JARID2: variants seen among roughly 807,000 people sequenced by gnomAD.
The protein encoded by JARID2 is jumonji and AT-rich interaction domain containing 2.
In JARID2, 21 loss-of-function variants were observed where a neutral mutation model predicts 125.6. The observed-to-expected ratio is 0.17, with a 90% CI of 0.12 to 0.24. The LOEUF is 0.24. Among genes scored for constraint, JARID2 ranks in the 10% least tolerant of loss-of-function variants. The pLI is 1.00. For synonymous variants in JARID2, 736 were observed against 661.6 expected, an observed-to-expected ratio of 1.11 and a Z score of -1.73; for missense variants, 1,303 against 1,639.6, an observed-to-expected ratio of 0.79 and a Z score of 3.55.
intron 1 of JARID2, among the ~76,000 whole-genome samples, chr6:15,256,555 C>T (rs1759673065): frequency 6.6e-6 from 1 of 152,162 alleles, no homozygotes; most frequent in African/African-American, 2.4e-5. Context: ...TGTTCCCAGC[C>T]CTTCTTGATG....
intron 1 of JARID2, among the ~76,000 whole-genome samples, chr6:15,283,867 G>A (rs372377732): frequency 2.0e-5 from 3 of 151,538 alleles, no homozygotes; most frequent in Non-Finnish European, 4.4e-5. Context: ...CACCATGCCC[G>A]GCTAATTTTT....
chr6:15,381,343 A>AAAAT, intron 2 of JARID2, among the ~76,000 whole-genome samples: 1 of 27,030 alleles, frequency 3.7e-5, no homozygotes, highest in Admixed American at 4.9e-4. Context: ...TCCTGTCTCA[A>AAAAT]AAAAAAAAAA....
chr6:15,376,952 T>A (rs950821199), intron 2 of JARID2, among the ~76,000 whole-genome samples: 1 of 152,136 alleles, frequency 6.6e-6, no homozygotes, highest in East Asian at 1.9e-4. Flanking sequence ...CAAGCTGTGT[T>A]GTGCATATAT....
chr6:15,415,679 TG>T, intron 3 of JARID2, among the ~76,000 whole-genome samples: 1 of 134,370 alleles, frequency 7.4e-6, no homozygotes, highest in East Asian at 2.5e-4. Context: ...ACGGGGTGGC[TG>T]GCCGGGCGGG....
chr6:15,512,421 G>GC, intron 14 of JARID2, 31 bp downstream of exon 14: 2 of 1,606,562 alleles, frequency 1.2e-6, no homozygotes, highest in African/African-American at 2.7e-5. Flanking sequence ...CCCGCTTGCT[G>GC]CCCCCGCATC....
At chr6:15,254,793 A>G (rs1401189994) in intron 1 of JARID2, among the ~76,000 whole-genome samples, 1 of 152,070 alleles carries the variant, frequency 6.6e-6, no homozygotes, top group South Asian at 2.1e-4. Context: ...TAATCCCAGC[A>G]CTTTCGAAGG....
intron 1 of JARID2, among the ~76,000 whole-genome samples, chr6:15,285,425 G>A (rs574016293): frequency 1.3e-5 from 2 of 152,168 alleles, no homozygotes; most frequent in Admixed American, 6.5e-5. Flanking sequence ...GCGCCCAGCC[G>A]TCAGTGTACT....
chr6:15,317,306 A>G (rs1452828245), intron 1 of JARID2, among the ~76,000 whole-genome samples: 1 of 152,232 alleles, frequency 6.6e-6, no homozygotes, highest in Admixed American at 6.5e-5. Flanking sequence ...TTGCAGGAAA[A>G]TGCAAGTCTC....
At chr6:15,478,944 T>G (rs747114083) in intron 5 of JARID2, among the ~76,000 whole-genome samples, 1 of 152,164 alleles carries the variant, frequency 6.6e-6, no homozygotes, top group Non-Finnish European at 1.5e-5. Flanking sequence ...AGATTACAGG[T>G]GTGAGCCACC....
chr6:15,495,884 A>C (rs1022181107), intron 6 of JARID2, among the ~76,000 whole-genome samples: 15 of 152,234 alleles, frequency 9.9e-5, no homozygotes, highest in African/African-American at 3.6e-4. Flanking sequence ...CGCCTGGGGC[A>C]GTTTGCATAC....
chr6:15,441,962 T>C (rs1767464370), intron 3 of JARID2, among the ~76,000 whole-genome samples: 1 of 152,034 alleles, frequency 6.6e-6, no homozygotes, highest in Non-Finnish European at 1.5e-5. Context: ...CAGCTAATTT[T>C]TATATTTTTA....
Position 15,496,906 on chromosome 6 carries a change from A to G in JARID2, c.1681A>G (p.Arg561Gly), listed in dbSNP as rs752471157. 70 of 1,601,430 alleles carry G rather than the reference A, an allele frequency of 4.4e-5. No homozygotes were observed. The highest frequency in any genetic ancestry group is 5.5e-5 in the Non-Finnish European group (65 of 1,171,698). ...GGCCATGGACGAGATCCCCGTCCTC[A>G]GGCCCTCCGCCAAGGAGTTCCACGA... ...WAAMDEIPVL[R>G]PSAKEFHDPL... Residue 561 changes from arginine (R) to glycine (G), a missense_variant, in exon 7 of 18, where the codon AGG becomes GGG. Physicochemically the swap from Arg to Gly is moderately radical, Grantham distance 125. Coordinates refer to ENST00000341776, the MANE Select transcript of JARID2 (RefSeq NM_004973.4).
intron 1 of JARID2, among the ~76,000 whole-genome samples, chr6:15,353,652 T>C (rs1181665886): frequency 6.6e-6 from 1 of 152,216 alleles, no homozygotes; most frequent in African/African-American, 2.4e-5. Context: ...GGGAATTCCA[T>C]GTTTCTCTTT....
chr6:15,272,698 A>G (rs1044041217), intron 1 of JARID2, among the ~76,000 whole-genome samples: 2 of 152,156 alleles, frequency 1.3e-5, no homozygotes, highest in Non-Finnish European at 2.9e-5. Flanking sequence ...GGAAGGTGGT[A>G]TTACCTCAGG....
At chr6:15,283,637 C>G (rs1032903508) in intron 1 of JARID2, among the ~76,000 whole-genome samples, 1 of 151,936 alleles carries the variant, frequency 6.6e-6, no homozygotes, top group African/African-American at 2.4e-5. Flanking sequence ...CCACCGTGCC[C>G]GGCCATTCTG....
At position 15,251,384 on chromosome 6, in the gene JARID2, T is replaced by G. The variant is rs147311497; in HGVS notation, c.45+4800T>G. 3.0e-3 allele frequency among the ~76,000 whole-genome samples: 456 copies of G among 152,200 alleles called. 3 individuals are homozygous for G. Among genetic ancestry groups the G allele is most frequent in the African/African-American group, 0.01 (424 of 41,560 alleles). On this transcript the variant is annotated intron_variant, in intron 1 of 17. Transcript: ENST00000341776. ...GTGTGAGGACTCACACTCCTGACAT[T>G]GTCTGAATTCTGGCTGCATTGCTCT... is the stretch of plus-strand genomic sequence containing the variant.
chr6:15,373,336 G>T (rs1406144567), intron 1 of JARID2, among the ~76,000 whole-genome samples: 3 of 152,026 alleles, frequency 2.0e-5, no homozygotes, highest in Admixed American at 6.6e-5. Context: ...TTTATGACTG[G>T]AATTGCTGGA....
chr6:15,381,346 A>C (rs1173720923), intron 2 of JARID2, among the ~76,000 whole-genome samples: 8 of 150,696 alleles, frequency 5.3e-5, no homozygotes, highest in Non-Finnish European at 7.4e-5. Flanking sequence ...TGTCTCAAAA[A>C]AAAAAAAAAA....
At position 15,312,288 on chromosome 6, in the gene JARID2, C is replaced by T. The variant is rs1359641386; in HGVS notation, c.46-61829C>T. 8.5e-5 allele frequency among the ~76,000 whole-genome samples: 13 copies of T among 152,240 alleles called. No homozygotes were observed. In the South Asian group the frequency reaches 1.5e-3, roughly 17 times the overall value. ...CAGGCTGGGCTCGAACTCCTGACCT[C>T]GTGATCCACCCGCCTCGGCCTCCCA... On this transcript the variant is annotated intron_variant, in intron 1 of 17. Coordinates refer to ENST00000341776, the MANE Select transcript of JARID2 (RefSeq NM_004973.4).
Sources: gnomAD v4.1 joint callset for allele counts (sites outside exome capture counted in the v4.1 genomes callset) on GRCh38, gnomAD v4.1.1 for gene constraint, MANE v1.5 for transcripts, NCBI Gene and HGNC (gene_info 2026-07-23, HGNC 2026-07-21) for gene names.